The following CIB3 variants were observed in gnomAD, a reference collection of about 807,000 sequenced individuals.
The protein encoded by CIB3 is calcium and integrin-binding family member 3.
CIB3 carries 22 observed loss-of-function variants against 23.4 expected under a neutral mutation model. That is an observed-to-expected ratio of 0.94 (90% CI 0.67 to 1.34). CIB3 has a LOEUF of 1.34. Ranked by LOEUF, CIB3 falls within the 40% of genes most tolerant of loss-of-function variation. CIB3 has a pLI of 0.00. For synonymous variants in CIB3, 93 were observed against 95.8 expected, an observed-to-expected ratio of 0.97 and a Z score of 0.17; for missense variants, 258 against 247.3, an observed-to-expected ratio of 1.04 and a Z score of -0.29.
At chr19:16,169,793 GAC>G in intron 2 of CIB3, 52 bp from the exon 3 acceptor site, 3 of 1,461,578 alleles carry the variant, frequency 2.1e-6, no homozygotes, top group Non-Finnish European at 1.9e-6. Flanking sequence ...GAGCAGGCAA[GAC>G]GCTTGTCCCT....
chr19:16,162,243 CAA>C (rs79329568), intron 5 of CIB3, among the ~76,000 whole-genome samples: 17 of 52,464 alleles, frequency 3.2e-4, no homozygotes, highest in South Asian at 1.5e-3. Flanking sequence ...CTTGTCTCCA[CAA>C]AAAAAAAAAA....
At chr19:16,165,407 C>A (rs2091302069) in intron 4 of CIB3, among the ~76,000 whole-genome samples, 1 of 151,108 alleles carries the variant, frequency 6.6e-6, no homozygotes, top group Non-Finnish European at 1.5e-5. Context: ...TTCATTCATT[C>A]ATTCAACAAG....
chr19:16,167,461 T>C (rs1372326727), intron 4 of CIB3, among the ~76,000 whole-genome samples: 3 of 152,004 alleles, frequency 2.0e-5, no homozygotes, highest in African/African-American at 7.2e-5. Context: ...TGCCTGGTGC[T>C]AGAAGAGAAA....
intron 5 of CIB3, among the ~76,000 whole-genome samples, chr19:16,162,112 G>A (rs1195238321): frequency 6.6e-6 from 1 of 151,758 alleles, no homozygotes; most frequent in Non-Finnish European, 1.5e-5. Context: ...TATATGTATC[G>A]AAACCATTAT....
Position 16,161,673 on chromosome 19 carries a change from C to CTTTT in CIB3, c.543-191_543-188dup, listed in dbSNP as rs55969649. Among the ~76,000 whole-genome samples the CTTTT allele has an allele frequency of 6.2e-4, 62 of 100,032 alleles. 1 individual carries two copies. Among genetic ancestry groups the CTTTT allele is most frequent in the East Asian group, 1.6e-3 (5 of 3,082 alleles). The allele number at this position is 100,032 out of a possible 152,430, so 65.6% of individuals were successfully genotyped here. A position where few individuals can be genotyped will look rare whatever the true frequency, so the allele number is the denominator to read the frequency against. The stretch of plus-strand genomic sequence containing the variant: ...AGCACATGCCTTTAATTTTTTAATT[C>CTTTT]TTTTTTTTTTTTTTTTTTTTTTGAG... On this transcript the variant is annotated intron_variant, in intron 5 of 5. Transcript: ENST00000269878.
intron 2 of CIB3, among the ~76,000 whole-genome samples, chr19:16,171,475 T>C (rs574970872): frequency 1.3e-5 from 2 of 152,240 alleles, no homozygotes; most frequent in African/African-American, 2.4e-5. Context: ...CCCTAGGTCA[T>C]ATGATGACTA....
chr19:16,169,704 C>A lies in CIB3; in HGVS notation c.124G>T (p.Val42Leu), dbSNP rs751759884. 1.2e-6 allele frequency: 2 copies of A among 1,612,622 alleles called. No individual in the cohort carries two copies. Among genetic ancestry groups the A allele is most frequent in the African/African-American group, 2.7e-5 (2 of 74,864 alleles). ...GGGCAGGTGGTATAGTCGAGGGGCACGAGCTGTGGGGCCAGGTCCTGGTAG... is the reference window on the plus strand; with the variant it reads ...GGGCAGGTGGTATAGTCGAGGGGCAAGAGCTGTGGGGCCAGGTCCTGGTAG... ...YRYQDLAPQL[V>L]PLDYTTCPDV... is the part of the protein sequence containing the mutation. Residue 42 changes from valine (V) to leucine (L), a missense_variant, in exon 3 of 6, where the codon GTG becomes TTG. Transcript: ENST00000269878.
Position 16,164,842 on chromosome 19 carries a change from GC to G in CIB3, c.417del (p.Leu140Ter), listed in dbSNP as rs771883072. On this transcript the variant is annotated frameshift_variant, in exon 5 of 6. Coordinates refer to ENST00000269878, the MANE Select transcript of CIB3 (RefSeq NM_054113.4). LOFTEE classifies it high-confidence loss of function. ...EQTVTKLTRG[G>X]LSAEEVSLVC... ...ACCAGGCTCACCTCCTCGGCACTCA[GC>G]CCCCCCCGCGTCAGTTTGGTCACCG... is the stretch of plus-strand genomic sequence containing the variant. 7.1e-5 allele frequency: 115 copies of G among 1,612,858 alleles called. No homozygotes were observed. The highest frequency in any genetic ancestry group is 9.2e-5 in the Non-Finnish European group (109 of 1,179,298).
intron 5 of CIB3, 66 bp downstream of exon 5, chr19:16,164,652 G>T: frequency 7.0e-7 from 1 of 1,420,036 alleles, no homozygotes; most frequent in Non-Finnish European, 9.8e-7. Context: ...CAGAGTCTGT[G>T]AACTGTCTGC....
At chr19:16,168,099 C>T (rs1191461926) in intron 4 of CIB3, 38 bp downstream of exon 4, 2 of 1,573,680 alleles carry the variant, frequency 1.3e-6, no homozygotes, top group South Asian at 1.2e-5. Context: ...CTCCCCACCC[C>T]ATCCCCATGC....
In CIB3 at chr19:16,173,433, C is replaced by T; in HGVS notation, c.43G>A (p.Ala15Thr). 1 of 1,614,050 alleles carries T rather than the reference C, an allele frequency of 6.2e-7. No individual in the cohort carries two copies. The highest frequency in any genetic ancestry group is 8.5e-7 in the Non-Finnish European group (1 of 1,179,920). Reference sequence around the variant, plus strand: ...ATCCTGCCCCCCTCTACCTGATACGCTTCCAGCTGCTCGTGTGTGAAGACT... The same window carrying T: ...ATCCTGCCCCCCTCTACCTGATACGTTTCCAGCTGCTCGTGTGTGAAGACT... ...QTVFTHEQLE[A>T]YQDCTFFTRK... The change falls in exon 1 of 6, where the codon GCG becomes ACG. Residue 15 changes from alanine to threonine, a missense_variant. Physicochemically the swap from Ala to Thr is moderately conservative, Grantham distance 58 (BLOSUM62 0). Coordinates refer to ENST00000269878, the MANE Select transcript of CIB3 (RefSeq NM_054113.4).
chr19:16,169,700 G>C lies in CIB3; in HGVS notation c.128C>G (p.Pro43Arg). The C allele has an allele frequency of 6.2e-7, 1 of 1,613,250 alleles. No individual in the cohort carries two copies. The highest frequency in any genetic ancestry group is 8.5e-7 in the Non-Finnish European group (1 of 1,179,532). ...ATCGGGGCAGGTGGTATAGTCGAGG[G>C]GCACGAGCTGTGGGGCCAGGTCCTG... ...RYQDLAPQLV[P>R]LDYTTCPDVK... The change falls in exon 3 of 6, where the codon CCC (proline) becomes CGC (arginine). Residue 43 changes from proline (P) to arginine (R), a missense_variant. Physicochemically the swap from Pro to Arg is moderately radical, Grantham distance 103 (BLOSUM62 -2). Coordinates refer to ENST00000269878, the MANE Select transcript of CIB3 (RefSeq NM_054113.4).
intron 5 of CIB3, among the ~76,000 whole-genome samples, chr19:16,164,496 T>C (rs1211204054): frequency 6.6e-6 from 1 of 152,140 alleles, no homozygotes; most frequent in Non-Finnish European, 1.5e-5. Context: ...AGCCACATTC[T>C]GCTTGCTGAA....
chr19:16,164,662 C>A (rs1203345600), intron 5 of CIB3, 56 bp downstream of exon 5: 5 of 1,480,050 alleles, frequency 3.4e-6, no homozygotes, highest in Non-Finnish European at 3.8e-6. Context: ...GAACTGTCTG[C>A]GTAAGAGCCC....
chr19:16,163,956 T>A (rs1391613370), intron 5 of CIB3, among the ~76,000 whole-genome samples: 3 of 151,634 alleles, frequency 2.0e-5, no homozygotes, highest in African/African-American at 7.3e-5. Context: ...TTTTTTAAAT[T>A]AAAAAAAAAT....
intron 2 of CIB3, 123 bp downstream of exon 2, chr19:16,173,039 C>T (rs943476527): frequency 8.9e-7 from 1 of 1,129,540 alleles, no homozygotes; most frequent in East Asian, 2.4e-5. Context: ...AGAAAGACTA[C>T]TTACACACAC....
At chr19:16,163,029 A>G (rs1272963788) in intron 5 of CIB3, among the ~76,000 whole-genome samples, 3 of 151,392 alleles carry the variant, frequency 2.0e-5, no homozygotes, top group Non-Finnish European at 4.4e-5. Flanking sequence ...AGCTGGGACT[A>G]GAGGTGTGCC....
chr19:16,173,266 A>G, intron 1 of CIB3, 70 bp from the exon 2 acceptor site: 1 of 1,607,710 alleles, frequency 6.2e-7, no homozygotes, highest in Non-Finnish European at 8.5e-7. Context: ...TCCTCCCTCC[A>G]CCCCACACTC....
chr19:16,163,090 G>A (rs2091291872), intron 5 of CIB3, among the ~76,000 whole-genome samples: 1 of 151,796 alleles, frequency 6.6e-6, no homozygotes, highest in East Asian at 2.0e-4. Context: ...TACTGCCTCA[G>A]CCTCCTAAAA....
Sources: allele counts gnomAD v4.1 joint callset (sites outside exome capture counted in the v4.1 genomes callset), GRCh38; gene constraint gnomAD v4.1.1; transcripts MANE v1.5; gene names NCBI Gene and HGNC (gene_info 2026-07-23, HGNC 2026-07-21).